The following SPATA31A6 variants were observed in gnomAD, a reference collection of about 807,000 sequenced individuals.
SPATA31A6 encodes the protein SPATA31 subfamily A member 6.
A neutral mutation model predicts 11.9 loss-of-function variants in SPATA31A6; 9 were observed. The ratio of observed to expected loss-of-function variants is 0.76; its 90% CI spans 0.46 to 1.32. The LOEUF is 1.32. SPATA31A6 is among the 40% of genes most tolerant of loss of function. The probability of loss-of-function intolerance (pLI) is 0.00; values close to 1 mark genes in which losing one functional copy is unlikely to be tolerated. For synonymous variants in SPATA31A6, 314 were observed against 572.1 expected, an observed-to-expected ratio of 0.55 and a Z score of 6.44; for missense variants, 855 against 1,467.3, an observed-to-expected ratio of 0.58 and a Z score of 6.82.
In SPATA31A6 at chr9:42,189,622, C is replaced by G; in HGVS notation, c.3920C>G (p.Pro1307Arg). 1.3e-6 allele frequency: 2 copies of G among 1,558,970 alleles called. No individual in the cohort carries two copies. The highest frequency in any genetic ancestry group is 1.7e-6 in the Non-Finnish European group (2 of 1,156,584). ...CTGCGACATCCCCAAATCTTGCACC[C>G]CAAGAAAGCTGTATCCCCAGTCAGT... ...WGLRHPQILH[P>R]KKAVSPVSPP... Residue 1307 changes from proline (P) to arginine (R), a missense_variant, in exon 4 of 4, where the codon CCC becomes CGC. Pro to Arg is a moderately radical substitution (Grantham distance 103). Transcript: ENST00000332857.
chr9:42,189,209 G>A lies in SPATA31A6; in HGVS notation c.3507G>A (p.Trp1169Ter). 1.3e-6 allele frequency: 2 copies of A among 1,542,374 alleles called. No homozygotes were observed. Among genetic ancestry groups the A allele is most frequent in the Non-Finnish European group, 1.8e-6 (2 of 1,137,102 alleles). The part of the protein sequence containing the change: ...FGENIKQFFQ[W>*]IFSKKKSKPA... ...AAAACATCAAGCAATTTTTTCAGTG[G>A]ATTTTTTCAAAGAAAAAAAGCAAGC... is the stretch of plus-strand genomic sequence containing the variant. The change falls in exon 4 of 4, where the codon TGG becomes TGA. Residue 1169 changes from tryptophan to a stop codon, truncating the protein, a stop_gained. Coordinates refer to ENST00000332857, the MANE Select transcript of SPATA31A6 (RefSeq NM_001145196.1). LOFTEE classifies it low-confidence loss of function (END_TRUNC).
Position 42,186,414 on chromosome 9 carries a change from T to C in SPATA31A6, c.712T>C (p.Ser238Pro). The C allele has an allele frequency of 1.4e-6, 2 of 1,457,958 alleles. 1 individual carries two copies. The highest frequency in any genetic ancestry group is 2.4e-5 in the South Asian group (2 of 85,092). 90.3% of individuals were successfully genotyped at this position (1,457,958 alleles called of 1,614,324 possible). A position where few individuals can be genotyped will look rare whatever the true frequency, so the allele number is the denominator to read the frequency against. Residue 238 changes from serine (S) to proline (P), a missense_variant, in exon 4 of 4, where the codon TCT becomes CCT. Transcript: ENST00000332857. ...PLRDSTLITP[S>P]HCDSVALPLG... is the part of the protein sequence containing the mutation. ...GCGGGACTCCACACTGATAACTCCATCTCACTGTGACTCAGTGGCACTTCC... is the reference window on the plus strand; with the variant it reads ...GCGGGACTCCACACTGATAACTCCACCTCACTGTGACTCAGTGGCACTTCC...
Position 42,184,964 on chromosome 9 carries a change from G to T in SPATA31A6, c.190-105G>T. The T allele has an allele frequency of 1.4e-6, 2 of 1,387,494 alleles. 1 individual carries two copies. The highest frequency in any genetic ancestry group is 2.0e-6 in the Non-Finnish European group (2 of 1,008,436). The allele number at this position is 1,387,494 out of a possible 1,614,324, so 85.9% of individuals were successfully genotyped here. On this transcript the variant is annotated intron_variant, in intron 1 of 3. Coordinates refer to ENST00000332857, the MANE Select transcript of SPATA31A6 (RefSeq NM_001145196.1). ...AGTGCAGCATGCTGCGGCTGGGCTG[G>T]AGCAGAGAGGGAGAGCCAGTCCTAG...
rs1829473148 is a variant in SPATA31A6 at position 42,187,129 on chromosome 9, A to T, written c.1427A>T (p.Gln476Leu). Residue 476 changes from glutamine (Q) to leucine (L), a missense_variant, in exon 4 of 4, where the codon CAA becomes CTA. By Grantham distance (113) the Gln-to-Leu change is moderately radical. Transcript: ENST00000332857. ...CAGGCCCAGCCCCTGTCCCACCGCC[A>T]ACCCTTTATTTCATCCACACCCCAA... Reference protein sequence around the residue: ...LFQAQPLSHRQPFISSTPQFL... With the variant: ...LFQAQPLSHRLPFISSTPQFL... 3 of 1,540,306 alleles carry T rather than the reference A, an allele frequency of 1.9e-6. No individual in the cohort carries two copies. Among genetic ancestry groups the T allele is most frequent in the Non-Finnish European group, 2.6e-6 (3 of 1,137,328 alleles).
Position 42,187,334 on chromosome 9 carries a change from G to A in SPATA31A6, c.1632G>A (p.Leu544=), listed in dbSNP as rs776725536. The change falls in exon 4 of 4, where the codon TTG becomes TTA. Residue 544 remains leucine (L), a synonymous_variant. Transcript: ENST00000332857. The part of the protein sequence containing the change: ...PETQHPEWPL[L]RKQLEGRLAL... ...CTCAGCACCCTGAATGGCCTTTGTT[G>A]AGGAAACAACTAGAAGGTAGGTTGG... The A allele has an allele frequency of 4.5e-6, 7 of 1,539,186 alleles. No individual in the cohort carries two copies. The South Asian group carries it at 4.6e-5, about 10-fold the overall frequency.
chr9:42,184,355 C>T (rs1226223919), intron 1 of SPATA31A6, among the ~76,000 whole-genome samples: 1 of 129,020 alleles, frequency 7.8e-6, no homozygotes, highest in African/African-American at 3.2e-5. Context: ...CTCAGCAGTG[C>T]CTGCGGGCCT....
Position 42,186,659 on chromosome 9 carries a change from G to A in SPATA31A6, c.957G>A (p.Leu319=), listed in dbSNP as rs747140841. Residue 319 remains leucine, a synonymous_variant, in exon 4 of 4, where the codon TTG becomes TTA. Coordinates refer to ENST00000332857, the MANE Select transcript of SPATA31A6 (RefSeq NM_001145196.1). Reference sequence around the variant, plus strand: ...AGATGGAAGCTGGTAGCCTGTTTTTGCTCAGCTCTGATGGCCAGAATGTCG... The same window carrying A: ...AGATGGAAGCTGGTAGCCTGTTTTTACTCAGCTCTGATGGCCAGAATGTCG... ...TCQMEAGSLF[L]LSSDGQNVVG... 4 of 1,532,002 alleles carry A rather than the reference G, an allele frequency of 2.6e-6. 1 individual carries two copies. The highest frequency in any genetic ancestry group is 3.5e-6 in the Non-Finnish European group (4 of 1,138,396). The allele number at this position is 1,532,002 out of a possible 1,614,324, so 94.9% of individuals were successfully genotyped here.
At position 42,186,779 on chromosome 9, in the gene SPATA31A6, C is replaced by G; in HGVS notation, c.1077C>G (p.His359Gln). Residue 359 changes from histidine to glutamine, a missense_variant, in exon 4 of 4, where the codon CAC becomes CAG. His to Gln is a conservative substitution (Grantham distance 24, BLOSUM62 0). Coordinates refer to ENST00000332857, the MANE Select transcript of SPATA31A6 (RefSeq NM_001145196.1). ...SFTNQMTPEK[H>Q]LNSLGNLAKS... ...CAAATCAAATGACCCCAGAAAAGCA[C>G]TTAAATTCTTTGGGGAATTTGGCTA... The G allele has an allele frequency of 6.5e-6, 10 of 1,531,230 alleles. 2 individuals are homozygous for G. The highest frequency in any genetic ancestry group is 8.8e-6 in the Non-Finnish European group (10 of 1,139,382). 94.9% of individuals were successfully genotyped at this position (1,531,230 alleles called of 1,614,324 possible).
At chr9:42,184,973 G>C in intron 1 of SPATA31A6, 96 bp from the exon 2 acceptor site, 3 of 1,400,260 alleles carry the variant, frequency 2.1e-6, no homozygotes, top group Non-Finnish European at 9.8e-7. Context: ...GGAGCAGAGA[G>C]GGAGAGCCAG....
In SPATA31A6 at chr9:42,186,802, C is replaced by T. The variant is rs186547066; in HGVS notation, c.1100C>T (p.Ala367Val). ...EKHLNSLGNL[A>V]KSLDAEQDTT... ...CACTTAAATTCTTTGGGGAATTTGG[C>T]TAAATCATTGGATGCTGAGCAGGAC... The change falls in exon 4 of 4, where the codon GCT becomes GTT. Residue 367 changes from alanine (A) to valine (V), a missense_variant. Physicochemically the swap from Ala to Val is moderately conservative, Grantham distance 64. Coordinates refer to ENST00000332857, the MANE Select transcript of SPATA31A6 (RefSeq NM_001145196.1). 230 of 1,534,046 alleles carry T rather than the reference C, an allele frequency of 1.5e-4. 50 individuals carry two copies. In the East Asian group the frequency reaches 5.4e-3, roughly 36 times the overall value.
At chr9:42,184,353 T>G (rs1242861779) in intron 1 of SPATA31A6, among the ~76,000 whole-genome samples, 2 of 129,134 alleles carry the variant, frequency 1.5e-5, no homozygotes, top group African/African-American at 6.4e-5. Flanking sequence ...AGCTCAGCAG[T>G]GCCTGCGGGC....
intron 2 of SPATA31A6, chr9:42,185,419 C>T (rs1829428146): frequency 1.6e-6 from 1 of 632,444 alleles, no homozygotes; most frequent in Non-Finnish European, 2.7e-6. Context: ...TCTGCTAAGG[C>T]TGATTCCTCT....
chr9:42,185,510 T>G, intron 2 of SPATA31A6, 185 bp from the exon 3 acceptor site: 3 of 1,053,428 alleles, frequency 2.8e-6, no homozygotes, highest in Non-Finnish European at 4.1e-6. Flanking sequence ...GGAAGCCTGT[T>G]GTGAATGAAA....
Position 42,188,896 on chromosome 9 carries a change from C to T in SPATA31A6, c.3194C>T (p.Ser1065Phe), listed in dbSNP as rs1267051254. 5.2e-6 allele frequency: 8 copies of T among 1,546,262 alleles called. 1 individual carries two copies. The African/African-American group carries it at 1.2e-4, about 24-fold the overall frequency. Residue 1065 changes from serine (S) to phenylalanine (F), a missense_variant, in exon 4 of 4, where the codon TCC becomes TTC. By Grantham distance (155) the Ser-to-Phe change is radical. Transcript: ENST00000332857. ...ATGCCTACTGGGAACATGCGGGCTT[C>T]CCAGGAGCTACATGACCTCATGGCA... ...QSMPTGNMRA[S>F]QELHDLMAAR...
chr9:42,188,948 G>C lies in SPATA31A6; in HGVS notation c.3246G>C (p.Glu1082Asp). 2 of 1,542,102 alleles carry C rather than the reference G, an allele frequency of 1.3e-6. No individual in the cohort carries two copies. The highest frequency in any genetic ancestry group is 1.8e-6 in the Non-Finnish European group (2 of 1,137,424). The change falls in exon 4 of 4, where the codon GAG (glutamate) becomes GAC (aspartate). Residue 1082 changes from glutamate to aspartate, a missense_variant. Physicochemically the swap from Glu to Asp is conservative, Grantham distance 45 (BLOSUM62 2). Coordinates refer to ENST00000332857, the MANE Select transcript of SPATA31A6 (RefSeq NM_001145196.1). ...CCAGAAGGAGCAAACTGGTGCAAGAGGAGCCCAGAAACCCAAACTGTCAAG... is the reference window on the plus strand; with the variant it reads ...CCAGAAGGAGCAAACTGGTGCAAGACGAGCCCAGAAACCCAAACTGTCAAG... The part of the protein sequence containing the change: ...MAARRSKLVQ[E>D]EPRNPNCQGS...
Position 42,186,914 on chromosome 9 carries a change from G to T in SPATA31A6, c.1212G>T (p.Leu404Phe). ...AGAAGTGCTCAGATCCTAGGCTCTT[G>T]CAGGAAAGTTTTTGGAAGAATTATA... ...GPQKCSDPRL[L>F]QESFWKNYSQ... The change falls in exon 4 of 4, where the codon TTG (leucine) becomes TTT (phenylalanine). Residue 404 changes from leucine (L) to phenylalanine (F), a missense_variant. By Grantham distance (22) the Leu-to-Phe change is conservative (BLOSUM62 0). Coordinates refer to ENST00000332857, the MANE Select transcript of SPATA31A6 (RefSeq NM_001145196.1). The T allele has an allele frequency of 6.5e-7, 1 of 1,539,934 alleles. No individual in the cohort carries two copies. Among genetic ancestry groups the T allele is most frequent in the Non-Finnish European group, 8.8e-7 (1 of 1,142,448 alleles).
rs773016118 is a variant in SPATA31A6 at position 42,186,849 on chromosome 9, T to C, written c.1147T>C (p.Trp383Arg). 22 of 1,535,764 alleles carry C rather than the reference T, an allele frequency of 1.4e-5. 3 individuals carry two copies. The highest frequency in any genetic ancestry group is 2.4e-5 in the East Asian group (1 of 42,126). ...EQDTTNPKPFWNMGENSKQLP... is the reference protein window; with the variant it reads ...EQDTTNPKPFRNMGENSKQLP... ...GGACACCACAAACCCAAAACCCTTCTGGAACATGGGAGAGAACTCGAAACA... is the reference window on the plus strand; with the variant it reads ...GGACACCACAAACCCAAAACCCTTCCGGAACATGGGAGAGAACTCGAAACA... The change falls in exon 4 of 4, where the codon TGG becomes CGG. Residue 383 changes from tryptophan (W) to arginine (R), a missense_variant. Physicochemically the swap from Trp to Arg is moderately radical, Grantham distance 101. Transcript: ENST00000332857.
rs202011482 is a variant in SPATA31A6, at chr9:42,189,384, G to T, written c.3682G>T (p.Val1228Leu). 1,653 of 1,547,872 alleles carry T rather than the reference G, an allele frequency of 1.1e-3. 6 individuals carry two copies. The highest frequency in any genetic ancestry group is 3.5e-3 in the South Asian group (305 of 86,826). Residue 1228 changes from valine to leucine, a missense_variant, in exon 4 of 4, where the codon GTA becomes TTA. Val to Leu is a conservative substitution (Grantham distance 32). Coordinates refer to ENST00000332857, the MANE Select transcript of SPATA31A6 (RefSeq NM_001145196.1). ...TTGCCATGCGCACCATGCCTCGAAGGTAAATCAGCACAAACAGAAGTTTCA... is the reference window on the plus strand; with the variant it reads ...TTGCCATGCGCACCATGCCTCGAAGTTAAATCAGCACAAACAGAAGTTTCA... Reference protein sequence around the residue: ...SLCHAHHASKVNQHKQKFQAP... With the variant: ...SLCHAHHASKLNQHKQKFQAP...
In SPATA31A6 at chr9:42,187,728, C is replaced by T. The variant is rs764113544; in HGVS notation, c.2026C>T (p.Gln676Ter). 16 of 1,518,028 alleles carry T rather than the reference C, an allele frequency of 1.1e-5. 2 individuals are homozygous for T. The highest frequency in any genetic ancestry group is 1.1e-5 in the Non-Finnish European group (12 of 1,128,798). The allele number at this position is 1,518,028 out of a possible 1,614,324, so 94.0% of individuals were successfully genotyped here. A position where few individuals can be genotyped will look rare whatever the true frequency, so the allele number is the denominator to read the frequency against. ...HLGQILGETP[Q>*]NLSRDMKSFP... ...GGGGCAAATTCTGGGTGAGACCCCA[C>T]AAAATCTATCCAGGGACATGAAAAG... Residue 676 changes from glutamine to a stop codon, truncating the protein, a stop_gained, in exon 4 of 4, where the codon CAA (glutamine) becomes TAA (stop). Transcript: ENST00000332857. LOFTEE classifies it low-confidence loss of function (END_TRUNC).
Sources: allele counts gnomAD v4.1 joint callset (sites outside exome capture counted in the v4.1 genomes callset), GRCh38; gene constraint gnomAD v4.1.1; transcripts MANE v1.5; gene names NCBI Gene and HGNC (gene_info 2026-07-23, HGNC 2026-07-21).